FOXC2: variants seen among roughly 807,000 people sequenced by gnomAD.
FOXC2 encodes the protein forkhead box protein C2.
A neutral mutation model predicts 7.2 loss-of-function variants in FOXC2; 7 were observed. The observed-to-expected ratio is 0.97, with a 90% CI of 0.55 to 1.81. FOXC2 has a LOEUF of 1.81. Among genes scored for constraint, FOXC2 ranks in the 40% most tolerant of loss-of-function variants. The probability of loss-of-function intolerance (pLI) is 0.00; values close to 1 mark genes in which losing one functional copy is unlikely to be tolerated. For synonymous variants in FOXC2, 436 were observed against 350.4 expected, an observed-to-expected ratio of 1.24 and a Z score of -2.73; for missense variants, 846 against 741.2, an observed-to-expected ratio of 1.14 and a Z score of -1.64.
Position 86,567,815 on chromosome 16 carries a change from C to T in FOXC2, c.480C>T (p.Ser160=), listed in dbSNP as rs1567571264. 3 of 1,613,716 alleles carry T rather than the reference C, an allele frequency of 1.9e-6. No individual in the cohort carries two copies. The highest frequency in any genetic ancestry group is 1.1e-5 in the South Asian group (1 of 91,088). Residue 160 remains serine, a synonymous_variant, in exon 1 of 1, where the codon AGC becomes AGT. Transcript: ENST00000649859. The part of the protein sequence containing the change: ...PDSYNMFENG[S]FLRRRRRFKK... ...CCTACAACATGTTCGAGAACGGCAG[C>T]TTCCTGCGGCGCCGGCGGCGCTTCA...
In FOXC2 at chr16:86,568,731, C is replaced by T; in HGVS notation, c.1396C>T (p.Leu466Phe). The change falls in exon 1 of 1, where the codon CTC (leucine) becomes TTC (phenylalanine). Residue 466 changes from leucine (L) to phenylalanine (F), a missense_variant. This residue lies in a region of FOXC2 where 640 missense variants were observed against 503.2 expected (regional missense o/e 1.27). Transcript: ENST00000649859. This position sits in a 1 kb window ranked among gnomAD's most constrained non-coding sequence, Gnocchi z 5.2. ...SHRLGIENST[L>F]GESQVSGNAS... ...CCGGCTGGGGATTGAGAACTCGACC[C>T]TCGGGGAGTCCCAGGTGAGTGGCAA... is the stretch of plus-strand genomic sequence containing the variant. 7 of 1,613,006 alleles carry T rather than the reference C, an allele frequency of 4.3e-6. No homozygotes were observed. The highest frequency in any genetic ancestry group is 5.9e-6 in the Non-Finnish European group (7 of 1,180,018).
Position 86,567,456 on chromosome 16 carries a change from T to C in FOXC2, c.121T>C (p.Tyr41His), listed in dbSNP as rs764129123. 1 of 1,613,414 alleles carries C rather than the reference T, an allele frequency of 6.2e-7. No individual in the cohort carries two copies. The change falls in exon 1 of 1, where the codon TAT (tyrosine) becomes CAT (histidine). Residue 41 changes from tyrosine to histidine, a missense_variant. This residue lies in a region of FOXC2 where 154 missense variants were observed against 134.2 expected (regional missense o/e 1.15). Transcript: ENST00000649859. Reference protein sequence around the residue: ...YGGMASPMGVYSGHPEQYSAG... With the variant: ...YGGMASPMGVHSGHPEQYSAG... ...CGGCATGGCCAGCCCCATGGGCGTC[T>C]ATTCCGGCCACCCGGAGCAGTACAG...
In FOXC2 at chr16:86,567,625, G is replaced by C; in HGVS notation, c.290G>C (p.Gly97Ala). The C allele has an allele frequency of 6.2e-7, 1 of 1,614,134 alleles. No homozygotes were observed. Reference sequence around the variant, plus strand: ...CCCGAGAAGAAGATCACCTTGAACGGCATCTACCAGTTCATCATGGACCGC... The same window carrying C: ...CCCGAGAAGAAGATCACCTTGAACGCCATCTACCAGTTCATCATGGACCGC... ...NAPEKKITLN[G>A]IYQFIMDRFP... The change falls in exon 1 of 1, where the codon GGC (glycine) becomes GCC (alanine). Residue 97 changes from glycine (G) to alanine (A), a missense_variant. Coordinates refer to ENST00000649859, the MANE Select transcript of FOXC2 (RefSeq NM_005251.3).
Position 86,568,571 on chromosome 16 carries a change from G to T in FOXC2, c.1236G>T (p.Pro412=), listed in dbSNP as rs757049978. Residue 412 remains proline (P), a synonymous_variant, in exon 1 of 1, where the codon CCG becomes CCT. Transcript: ENST00000649859. This position sits in a 1 kb window ranked among gnomAD's most constrained non-coding sequence, Gnocchi z 5.2. The stretch of plus-strand genomic sequence containing the variant: ...CGGCTCCCCAGCCCCAGCCGACGCC[G>T]CAGCCCGGGGCCGCCGCGGCGCAGG... ...PPPAPQPQPT[P]QPGAAAAQAA... 1.3e-6 allele frequency: 2 copies of T among 1,567,368 alleles called. No homozygotes were observed. The highest frequency in any genetic ancestry group is 4.8e-5 in the East Asian group (2 of 41,540).
In FOXC2 at chr16:86,567,962, G is replaced by A. The variant is rs199935844; in HGVS notation, c.627G>A (p.Lys209=). The A allele has an allele frequency of 8.2e-4, 1,273 of 1,543,686 alleles. 6 individuals are homozygous for A. The highest frequency in any genetic ancestry group is 9.5e-4 in the South Asian group (78 of 82,068). ...CGGACGCCCCCAAGGAGGCCGAGAAGAAGGTGGTGATCAAGAGCGAGGCGG... is the reference window on the plus strand; with the variant it reads ...CGGACGCCCCCAAGGAGGCCGAGAAAAAGGTGGTGATCAAGAGCGAGGCGG... ...HLADAPKEAE[K]KVVIKSEAAS... The change falls in exon 1 of 1, where the codon AAG becomes AAA. Residue 209 remains lysine (K), a synonymous_variant. Transcript: ENST00000649859.
Position 86,567,789 on chromosome 16 carries a change from T to G in FOXC2, c.454T>G (p.Ser152Ala). ...KGSYWTLDPD[S>A]YNMFENGSFL... ...CAGTTACTGGACCCTGGACCCGGAC[T>G]CCTACAACATGTTCGAGAACGGCAG... The change falls in exon 1 of 1, where the codon TCC becomes GCC. Residue 152 changes from serine (S) to alanine (A), a missense_variant. This residue lies in a region of FOXC2 where 52 missense variants were observed against 103.8 expected (regional missense o/e 0.50). Coordinates refer to ENST00000649859, the MANE Select transcript of FOXC2 (RefSeq NM_005251.3). The G allele has an allele frequency of 6.2e-7, 1 of 1,614,028 alleles. No homozygotes were observed. The highest frequency in any genetic ancestry group is 8.5e-7 in the Non-Finnish European group (1 of 1,180,012).
At position 86,566,838 on chromosome 16, in the gene FOXC2, C is replaced by A. The variant is rs1274211530; in HGVS notation, c.-498C>A. Among the ~76,000 whole-genome samples, 1 of 152,160 alleles carries A rather than the reference C, an allele frequency of 6.6e-6. No individual in the cohort carries two copies. Among genetic ancestry groups the A allele is most frequent in the Non-Finnish European group, 1.5e-5 (1 of 68,014 alleles). ...CAGCAAGAAGACTTTTGAAACTTTT[C>A]CCAATCCCTAAAAGGGACTTGGCCT... On this transcript the variant is annotated 5_prime_UTR_variant, in exon 1 of 1. Coordinates refer to ENST00000649859, the MANE Select transcript of FOXC2 (RefSeq NM_005251.3). This position sits in a 1 kb window ranked among gnomAD's most constrained non-coding sequence, Gnocchi z 4.3.
At position 86,568,864 on chromosome 16, in the gene FOXC2, C is replaced by T; in HGVS notation, c.*23C>T. ...TGACGTGTCCCGGGACCTCCCCTCC[C>T]CGGCCCGCTCCGGCTTCGCTTCCCA... On this transcript the variant is annotated 3_prime_UTR_variant, in exon 1 of 1. Transcript: ENST00000649859. The surrounding 1 kb of genome is among the most constrained non-coding windows in gnomAD (Gnocchi z 5.2). 1 of 1,611,830 alleles carries T rather than the reference C, an allele frequency of 6.2e-7. No homozygotes were observed. The highest frequency in any genetic ancestry group is 8.5e-7 in the Non-Finnish European group (1 of 1,179,330).
chr16:86,569,506 A>G lies in FOXC2; in HGVS notation c.*665A>G. The G allele has an allele frequency of 6.0e-6, 1 of 167,244 alleles. No individual in the cohort carries two copies. The allele number at this position is 167,244 out of a possible 1,614,324, so 10.4% of individuals were successfully genotyped here. A position where few individuals can be genotyped will look rare whatever the true frequency, so the allele number is the denominator to read the frequency against. On this transcript the variant is annotated 3_prime_UTR_variant, in exon 1 of 1. Coordinates refer to ENST00000649859, the MANE Select transcript of FOXC2 (RefSeq NM_005251.3). ...TCCCATTGTAGGTCTTTTACAAAAC[A>G]AGAAAATAATTTATTTTTTTGTTGG...
rs1974253167 is a variant in FOXC2 at position 86,569,549 on chromosome 16, TA to T, written c.*709del. ...TTTGTTGGTGGATAAAGAAGTCAAG[TA>T]TCTGATACTTTTTATTTACAAAGTG... is the stretch of plus-strand genomic sequence containing the variant. On this transcript the variant is annotated 3_prime_UTR_variant, in exon 1 of 1. Coordinates refer to ENST00000649859, the MANE Select transcript of FOXC2 (RefSeq NM_005251.3). 6.0e-6 allele frequency: 1 copy of T among 166,476 alleles called. No homozygotes were observed. Among genetic ancestry groups the T allele is most frequent in the African/African-American group, 2.4e-5 (1 of 41,390 alleles). The allele number at this position is 166,476 out of a possible 1,614,324, so 10.3% of individuals were successfully genotyped here.
chr16:86,567,037 G>C lies in FOXC2; in HGVS notation c.-299G>C, dbSNP rs529859117. Among the ~76,000 whole-genome samples, 1 of 150,574 alleles carries C rather than the reference G, an allele frequency of 6.6e-6. No individual in the cohort carries two copies. Among genetic ancestry groups the C allele is most frequent in the Non-Finnish European group, 1.5e-5 (1 of 67,442 alleles). On this transcript the variant is annotated 5_prime_UTR_variant, in exon 1 of 1. Coordinates refer to ENST00000649859, the MANE Select transcript of FOXC2 (RefSeq NM_005251.3). The stretch of plus-strand genomic sequence containing the variant: ...TGGGTCCGCGGCCGCCCGCCTGCCC[G>C]CGCTGCCGCCGCCGGGTCCTGGAGC...
chr16:86,568,815 T>C lies in FOXC2; in HGVS notation c.1480T>C (p.Tyr494His), dbSNP rs1396994758. The C allele has an allele frequency of 3.1e-6, 5 of 1,612,530 alleles. No individual in the cohort carries two copies. The Admixed American group carries it at 8.3e-5, about 27-fold the overall frequency. ...TPPLYRHAAP[Y>H]SYDCTKY ...GCCTCTCTATCGCCACGCAGCCCCC[T>C]ACTCCTACGACTGCACGAAATACTG... The change falls in exon 1 of 1, where the codon TAC becomes CAC. Residue 494 changes from tyrosine (Y) to histidine (H), a missense_variant. Physicochemically the swap from Tyr to His is moderately conservative, Grantham distance 83 (BLOSUM62 2). This residue lies in a region of FOXC2 where 640 missense variants were observed against 503.2 expected (regional missense o/e 1.27). Transcript: ENST00000649859. This position sits in a 1 kb window ranked among gnomAD's most constrained non-coding sequence, Gnocchi z 5.2.
At position 86,568,745 on chromosome 16, in the gene FOXC2, G is replaced by A; in HGVS notation, c.1410G>A (p.Gln470=). 1.2e-6 allele frequency: 2 copies of A among 1,613,004 alleles called. No homozygotes were observed. The highest frequency in any genetic ancestry group is 2.2e-5 in the South Asian group (2 of 91,080). The change falls in exon 1 of 1, where the codon CAG becomes CAA. Residue 470 remains glutamine (Q), a synonymous_variant. Coordinates refer to ENST00000649859, the MANE Select transcript of FOXC2 (RefSeq NM_005251.3). The surrounding 1 kb of genome is among the most constrained non-coding windows in gnomAD (Gnocchi z 5.2). ...GIENSTLGES[Q]VSGNASCQLP... is the part of the protein sequence containing the mutation. ...AGAACTCGACCCTCGGGGAGTCCCAGGTGAGTGGCAATGCCAGCTGCCAGC... is the reference window on the plus strand; with the variant it reads ...AGAACTCGACCCTCGGGGAGTCCCAAGTGAGTGGCAATGCCAGCTGCCAGC...
In FOXC2 at chr16:86,568,432, C is replaced by T; in HGVS notation, c.1097C>T (p.Thr366Met). ...EALSDHPSGP[T>M]SPLSALNLAA... ...CTCTCGGACCACCCGAGCGGCCCCA[C>T]GTCGCCCCTGAGCGCTCTCAACCTC... Residue 366 changes from threonine to methionine, a missense_variant, in exon 1 of 1, where the codon ACG (threonine) becomes ATG (methionine). By Grantham distance (81) the Thr-to-Met change is moderately conservative. This residue lies in a region of FOXC2 where 640 missense variants were observed against 503.2 expected (regional missense o/e 1.27). Transcript: ENST00000649859. The surrounding 1 kb of genome is among the most constrained non-coding windows in gnomAD (Gnocchi z 5.2). 1.4e-6 allele frequency: 2 copies of T among 1,382,766 alleles called. No individual in the cohort carries two copies. Among genetic ancestry groups the T allele is most frequent in the Non-Finnish European group, 1.9e-6 (2 of 1,061,620 alleles). 85.7% of individuals were successfully genotyped at this position (1,382,766 alleles called of 1,614,324 possible).
In FOXC2 at chr16:86,568,869, C is replaced by A; in HGVS notation, c.*28C>A. ...TGTCCCGGGACCTCCCCTCCCCGGC[C>A]CGCTCCGGCTTCGCTTCCCAGCCCC... On this transcript the variant is annotated 3_prime_UTR_variant, in exon 1 of 1. Coordinates refer to ENST00000649859, the MANE Select transcript of FOXC2 (RefSeq NM_005251.3). This position sits in a 1 kb window ranked among gnomAD's most constrained non-coding sequence, Gnocchi z 5.2. 6.2e-7 allele frequency: 1 copy of A among 1,611,960 alleles called. No individual in the cohort carries two copies. The highest frequency in any genetic ancestry group is 1.1e-5 in the South Asian group (1 of 90,978).
chr16:86,567,329 A>G lies in FOXC2; in HGVS notation c.-7A>G. Reference sequence around the variant, plus strand: ...CGAGGGCGCCGGCGAGCCGTCTCGGAAGCAGCATGCAGGCGCGCTACTCCG... The same window carrying G: ...CGAGGGCGCCGGCGAGCCGTCTCGGGAGCAGCATGCAGGCGCGCTACTCCG... On this transcript the variant is annotated 5_prime_UTR_variant, in exon 1 of 1. Transcript: ENST00000649859. 6.2e-7 allele frequency: 1 copy of G among 1,612,646 alleles called. No homozygotes were observed. The highest frequency in any genetic ancestry group is 8.5e-7 in the Non-Finnish European group (1 of 1,179,736).
rs868831268 is a variant in FOXC2, at chr16:86,567,852, G to T, written c.517G>T (p.Val173Leu). ...RRRRRFKKKDVSKEKEERAHL... is the reference protein window; with the variant it reads ...RRRRRFKKKDLSKEKEERAHL... ...CCGGCGGCGCTTCAAAAAGAAGGAC[G>T]TGTCCAAGGAGAAGGAGGAGCGGGC... The change falls in exon 1 of 1, where the codon GTG (valine) becomes TTG (leucine). Residue 173 changes from valine to leucine, a missense_variant. Coordinates refer to ENST00000649859, the MANE Select transcript of FOXC2 (RefSeq NM_005251.3). 3.1e-6 allele frequency: 5 copies of T among 1,612,850 alleles called. No homozygotes were observed. The highest frequency in any genetic ancestry group is 1.7e-4 in the Middle Eastern group (1 of 6,046).
chr16:86,568,249 A>T lies in FOXC2; in HGVS notation c.914A>T (p.Tyr305Phe). ...GLVVPPLALP[Y>F]AAAPPAAYGQ... ...GTGGTGCCGCCGCTGGCGCTGCCCT[A>T]CGCCGCCGCGCCGCCCGCCGCCTAC... The change falls in exon 1 of 1, where the codon TAC becomes TTC. Residue 305 changes from tyrosine (Y) to phenylalanine (F), a missense_variant. Physicochemically the swap from Tyr to Phe is conservative, Grantham distance 22. Coordinates refer to ENST00000649859, the MANE Select transcript of FOXC2 (RefSeq NM_005251.3). The surrounding 1 kb of genome is among the most constrained non-coding windows in gnomAD (Gnocchi z 5.2). The T allele has an allele frequency of 7.9e-7, 1 of 1,263,576 alleles. No homozygotes were observed. Among genetic ancestry groups the T allele is most frequent in the Non-Finnish European group, 9.9e-7 (1 of 1,007,188 alleles). The allele number at this position is 1,263,576 out of a possible 1,614,324, so 78.3% of individuals were successfully genotyped here.
rs1354225058 is a variant in FOXC2, at chr16:86,569,551, T to G, written c.*710T>G. ...TGTTGGTGGATAAAGAAGTCAAGTATCTGATACTTTTTATTTACAAAGTGT... is the reference window on the plus strand; with the variant it reads ...TGTTGGTGGATAAAGAAGTCAAGTAGCTGATACTTTTTATTTACAAAGTGT... On this transcript the variant is annotated 3_prime_UTR_variant, in exon 1 of 1. Coordinates refer to ENST00000649859, the MANE Select transcript of FOXC2 (RefSeq NM_005251.3). The G allele has an allele frequency of 6.0e-6, 1 of 166,220 alleles. No homozygotes were observed. The highest frequency in any genetic ancestry group is 1.9e-4 in the East Asian group (1 of 5,192). 10.3% of individuals were successfully genotyped at this position (166,220 alleles called of 1,614,324 possible).
Sources: allele counts gnomAD v4.1 joint callset (sites outside exome capture counted in the v4.1 genomes callset), GRCh38; gene constraint gnomAD v4.1.1; regional missense constraint gnomAD v4.1.1; non-coding constraint Gnocchi (gnomAD v3.1); transcripts MANE v1.5; gene names NCBI Gene and HGNC (gene_info 2026-07-23, HGNC 2026-07-21).